PCDHGB5: variants seen among roughly 807,000 people sequenced by gnomAD.
PCDHGB5 encodes protocadherin gamma-B5.
A neutral mutation model predicts 62.9 loss-of-function variants in PCDHGB5; 48 were observed. The ratio of observed to expected loss-of-function variants is 0.76; its 90% CI spans 0.61 to 0.97. The LOEUF is 0.97. Ranked by LOEUF, PCDHGB5 falls within the 50% of genes least tolerant of loss-of-function variation. PCDHGB5 has a pLI of 0.00. For missense variants in PCDHGB5, 1,118 were observed against 1,198.6 expected (o/e 0.93, Z 0.99); for synonymous variants, 474 against 511.2 (o/e 0.93, Z 0.98).
In PCDHGB5 at chr5:141,431,710, G is replaced by A. The variant is rs1249423969; in HGVS notation, c.2397+31186G>A. On this transcript the variant is annotated intron_variant, in intron 1 of 3. Coordinates refer to ENST00000617380, the MANE Select transcript of PCDHGB5 (RefSeq NM_018925.3). The surrounding 1 kb of genome is among the most constrained non-coding windows in gnomAD (Gnocchi z 4.8). ...ACGAGGAGTCAGGATTCTACCAGAT[G>A]GAAGTGCAAGCAATGGATAATGCAG... is the stretch of plus-strand genomic sequence containing the variant. 3.1e-6 allele frequency: 5 copies of A among 1,614,116 alleles called. No individual in the cohort carries two copies. Among genetic ancestry groups the A allele is most frequent in the South Asian group, 1.1e-5 (1 of 91,088 alleles).
In PCDHGB5 at chr5:141,486,702, T is replaced by C; in HGVS notation, c.2398-8105T>C. On this transcript the variant is annotated intron_variant, in intron 1 of 3. Coordinates refer to ENST00000617380, the MANE Select transcript of PCDHGB5 (RefSeq NM_018925.3). The surrounding 1 kb of genome is among the most constrained non-coding windows in gnomAD (Gnocchi z 5.0). ...GTATCAGCTTCCTCTTTCATCTCTC[T>C]GAACCCCCAGACAGGAGCTGTTCAT... is the stretch of plus-strand genomic sequence containing the variant. 3 of 1,614,218 alleles carry C rather than the reference T, an allele frequency of 1.9e-6. No homozygotes were observed. Among genetic ancestry groups the C allele is most frequent in the Non-Finnish European group, 2.5e-6 (3 of 1,180,040 alleles).
chr5:141,420,337 A>G, intron 1 of PCDHGB5: 8 of 1,402,708 alleles, frequency 5.7e-6, no homozygotes, highest in Non-Finnish European at 7.6e-6. Flanking sequence ...ATTCCAATAT[A>G]GTGGTATTAT....
In PCDHGB5 at chr5:141,490,996, G is replaced by A; in HGVS notation, c.2398-3811G>A. ...GCGTCTCCCTCGCTCTGCTCCTCCT[G>A]GCTCCTTGGTCACCAAGGTGACAGC... is the stretch of plus-strand genomic sequence containing the variant. On this transcript the variant is annotated intron_variant, in intron 1 of 3. Transcript: ENST00000617380. This position sits in a 1 kb window ranked among gnomAD's most constrained non-coding sequence, Gnocchi z 5.4. The A allele has an allele frequency of 6.2e-7, 1 of 1,614,090 alleles. No individual in the cohort carries two copies. The highest frequency in any genetic ancestry group is 8.5e-7 in the Non-Finnish European group (1 of 1,180,028).
At chr5:141,408,438 C>T (rs749271632) in intron 1 of PCDHGB5, 1 of 1,614,014 alleles carries the variant, frequency 6.2e-7, no homozygotes. Context: ...AGCGTAGACG[C>T]GGAGAGCGGG....
intron 2 of PCDHGB5, among the ~76,000 whole-genome samples, chr5:141,504,704 A>G (rs965376942): frequency 1.3e-5 from 2 of 151,356 alleles, no homozygotes; most frequent in African/African-American, 4.8e-5. Flanking sequence ...AGGTTCTTCT[A>G]TGGCCGTGGA....
chr5:141,466,799 C>T (rs1049340129), intron 1 of PCDHGB5, among the ~76,000 whole-genome samples: 1 of 152,056 alleles, frequency 6.6e-6, no homozygotes, highest in African/African-American at 2.4e-5. Flanking sequence ...CAAACTAGAT[C>T]CTATTCAGAC....
chr5:141,423,382 C>G, intron 1 of PCDHGB5: 1 of 1,614,118 alleles, frequency 6.2e-7, no homozygotes, highest in Non-Finnish European at 8.5e-7. Flanking sequence ...CAGGCTGTGG[C>G]GCTGGCATAA....
At chr5:141,447,437 G>A (rs1435222330) in intron 1 of PCDHGB5, among the ~76,000 whole-genome samples, 3 of 152,128 alleles carry the variant, frequency 2.0e-5, no homozygotes, top group Non-Finnish European at 2.9e-5. Context: ...CGCACCCGGA[G>A]GAAATTTTTA....
At chr5:141,481,180 T>C (rs1354907506) in intron 1 of PCDHGB5, among the ~76,000 whole-genome samples, 1 of 152,236 alleles carries the variant, frequency 6.6e-6, no homozygotes, top group Admixed American at 6.5e-5. Flanking sequence ...CCAGCTTTAT[T>C]GGGCCAGGCC....
chr5:141,491,178 C>T lies in PCDHGB5; in HGVS notation c.2398-3629C>T, dbSNP rs774139827. 6.2e-7 allele frequency: 1 copy of T among 1,614,146 alleles called. No individual in the cohort carries two copies. The highest frequency in any genetic ancestry group is 8.5e-7 in the Non-Finnish European group (1 of 1,179,992). On this transcript the variant is annotated intron_variant, in intron 1 of 3. Coordinates refer to ENST00000617380, the MANE Select transcript of PCDHGB5 (RefSeq NM_018925.3). The surrounding 1 kb of genome is among the most constrained non-coding windows in gnomAD (Gnocchi z 6.9). ...ACTCTGACACCCAGCAGGTGGTGGT[C>T]CTGGTGAGGGACAATGGTGACCCTT...
chr5:141,495,221 G>A lies in PCDHGB5; in HGVS notation c.2456+356G>A, dbSNP rs376660961. On this transcript the variant is annotated intron_variant, in intron 2 of 3. Coordinates refer to ENST00000617380, the MANE Select transcript of PCDHGB5 (RefSeq NM_018925.3). ...ACTGCCTAACCCCCTCCCCTGAGTT[G>A]AGCTGGGCTCCATTATGACCTGGGG... Among the ~76,000 whole-genome samples, 26 of 152,300 alleles carry A rather than the reference G, an allele frequency of 1.7e-4. 1 individual carries two copies. The East Asian group carries it at 4.4e-3, about 26-fold the overall frequency.
At position 141,486,927 on chromosome 5, in the gene PCDHGB5, G is replaced by T. The variant is rs2099637231; in HGVS notation, c.2398-7880G>T. On this transcript the variant is annotated intron_variant, in intron 1 of 3. Transcript: ENST00000617380. The surrounding 1 kb of genome is among the most constrained non-coding windows in gnomAD (Gnocchi z 5.0). ...CCCCAAGCACTGCCTCCATCAGTTG[G>T]TGCTGGCCACCTAATCACAAAGGTG... 1 of 1,614,108 alleles carries T rather than the reference G, an allele frequency of 6.2e-7. No homozygotes were observed. Among genetic ancestry groups the T allele is most frequent in the Non-Finnish European group, 8.5e-7 (1 of 1,180,054 alleles).
At chr5:141,497,354 A>G (rs1430368474) in intron 2 of PCDHGB5, among the ~76,000 whole-genome samples, 1 of 152,054 alleles carries the variant, frequency 6.6e-6, no homozygotes, top group Non-Finnish European at 1.5e-5. Flanking sequence ...AGCCCCACCA[A>G]CTGCCTCTCA....
In PCDHGB5 at chr5:141,498,877, G is replaced by A. The variant is rs886444261; in HGVS notation, c.2456+4012G>A. ...GAACCCAGGAGGCGGAGGTTGCAGTGAGCTGAGATCACACCACTGCACTCC... is the reference window on the plus strand; with the variant it reads ...GAACCCAGGAGGCGGAGGTTGCAGTAAGCTGAGATCACACCACTGCACTCC... On this transcript the variant is annotated intron_variant, in intron 2 of 3. Coordinates refer to ENST00000617380, the MANE Select transcript of PCDHGB5 (RefSeq NM_018925.3). Among the ~76,000 whole-genome samples, 8 of 149,816 alleles carry A rather than the reference G, an allele frequency of 5.3e-5. No individual in the cohort carries two copies. In the East Asian group the frequency reaches 1.4e-3, roughly 26 times the overall value.
chr5:141,423,050 G>C, intron 1 of PCDHGB5: 1 of 1,614,186 alleles, frequency 6.2e-7, no homozygotes, highest in Non-Finnish European at 8.5e-7. Flanking sequence ...CTGTCCTATC[G>C]CCTGCTTAAG....
At chr5:141,418,145 T>G in intron 1 of PCDHGB5, 4 of 1,614,052 alleles carry the variant, frequency 2.5e-6, no homozygotes, top group Non-Finnish European at 3.4e-6. Flanking sequence ...TGAGCAAATA[T>G]GCAAAGAGAG....
intron 1 of PCDHGB5, among the ~76,000 whole-genome samples, chr5:141,465,017 C>T (rs1278815002): frequency 6.6e-6 from 1 of 152,132 alleles, no homozygotes; most frequent in Non-Finnish European, 1.5e-5. Context: ...GCTAAGATTA[C>T]AGCCATGAAC....
chr5:141,451,576 C>G (rs997933491), intron 1 of PCDHGB5, among the ~76,000 whole-genome samples: 10 of 152,164 alleles, frequency 6.6e-5, no homozygotes, highest in Middle Eastern at 3.4e-3. Context: ...TTTTTATAAA[C>G]CTAATTTTGA....
chr5:141,415,078 GC>G (rs2095826068), intron 1 of PCDHGB5: 1 of 1,613,376 alleles, frequency 6.2e-7, no homozygotes, highest in Non-Finnish European at 8.5e-7. Flanking sequence ...CACGGCGCGA[GC>G]CCTGCTGGAC....
Sources: gnomAD v4.1 joint callset for allele counts (sites outside exome capture counted in the v4.1 genomes callset) on GRCh38, gnomAD v4.1.1 for gene constraint, Gnocchi (gnomAD v3.1) non-coding constraint, MANE v1.5 for transcripts, NCBI Gene and HGNC (gene_info 2026-07-23, HGNC 2026-07-21) for gene names.